The following IGLON5 variants were observed in gnomAD, a reference collection of about 807,000 sequenced individuals.
IGLON5 encodes the protein IgLON family member 5, also known as Ig-like domain-containing protein ENSP00000270642.
A neutral mutation model predicts 38.2 loss-of-function variants in IGLON5; 16 were observed. That is an observed-to-expected ratio of 0.42 (90% confidence interval 0.28 to 0.64). IGLON5 has a LOEUF of 0.64. Among genes scored for constraint, IGLON5 ranks in the 30% least tolerant of loss-of-function variants. IGLON5 has a pLI of 0.23. For missense variants in IGLON5, 366 were observed against 483.4 expected, an observed-to-expected ratio of 0.76 and a Z score of 2.28; for synonymous variants, 207 against 216.4, an observed-to-expected ratio of 0.96 and a Z score of 0.38.
chr19:51,327,910 C>A lies in IGLON5; in HGVS notation c.922+24C>A. On this transcript the variant is annotated intron_variant, in intron 7 of 7. Transcript: ENST00000270642. This position sits in a 1 kb window ranked among gnomAD's most constrained non-coding sequence, Gnocchi z 7.1. ...GCGTGCGTCTTCGGGCGGGGCGGGG[C>A]CGGGAAGGTGGGCGGGGCCGGGGGC... 1 of 1,462,020 alleles carries A rather than the reference C, an allele frequency of 6.8e-7. No homozygotes were observed. The highest frequency in any genetic ancestry group is 9.1e-7 in the Non-Finnish European group (1 of 1,103,000). 90.6% of individuals were successfully genotyped at this position (1,462,020 alleles called of 1,614,324 possible).
intron 1 of IGLON5, among the ~76,000 whole-genome samples, chr19:51,314,191 T>TTG (rs1984856060): frequency 2.6e-5 from 3 of 116,092 alleles, no homozygotes; most frequent in Admixed American, 9.3e-5. Flanking sequence ...TTCACTATTT[T>TTG]TTTTTTTTTT....
chr19:51,322,489 G>A (rs575383159), intron 2 of IGLON5, among the ~76,000 whole-genome samples: 5 of 150,800 alleles, frequency 3.3e-5, no homozygotes, highest in South Asian at 4.2e-4. Flanking sequence ...AGGGGACAGA[G>A]ATCCAGCAGA....
chr19:51,315,845 A>G (rs1407729991), intron 1 of IGLON5, among the ~76,000 whole-genome samples: 2 of 151,444 alleles, frequency 1.3e-5, no homozygotes, highest in Non-Finnish European at 2.9e-5. Flanking sequence ...ACAGGCGCCC[A>G]CCACCACGCC....
At position 51,327,605 on chromosome 19, in the gene IGLON5, C is replaced by A; in HGVS notation, c.768-127C>A. 2.9e-6 allele frequency: 4 copies of A among 1,368,466 alleles called. No individual in the cohort carries two copies. Among genetic ancestry groups the A allele is most frequent in the Non-Finnish European group, 3.9e-6 (4 of 1,020,154 alleles). The allele number at this position is 1,368,466 out of a possible 1,614,324, so 84.8% of individuals were successfully genotyped here. ...ACCCGAGGTACATGAGGTGCTAGAA[C>A]CCGAGGCGATGGGTCACTGGGGTAG... On this transcript the variant is annotated intron_variant, in intron 6 of 7. Coordinates refer to ENST00000270642, the MANE Select transcript of IGLON5 (RefSeq NM_001101372.3). This position sits in a 1 kb window ranked among gnomAD's most constrained non-coding sequence, Gnocchi z 7.1.
At chr19:51,318,023 G>C (rs1984964348) in intron 1 of IGLON5, among the ~76,000 whole-genome samples, 1 of 152,120 alleles carries the variant, frequency 6.6e-6, no homozygotes, top group Admixed American at 6.5e-5. Context: ...GCTCGACCCT[G>C]GGGGGACACA....
rs1221592548 is a variant in IGLON5 at position 51,327,291 on chromosome 19, G to T, written c.767+91G>T. On this transcript the variant is annotated intron_variant, in intron 6 of 7. Coordinates refer to ENST00000270642, the MANE Select transcript of IGLON5 (RefSeq NM_001101372.3). The surrounding 1 kb of genome is among the most constrained non-coding windows in gnomAD (Gnocchi z 7.1). ...GGCAGGGGGACGGAGCGGGGCGGGG[G>T]AAGGCAGCAGAGCTCTGGGTCCCGA... The T allele has an allele frequency of 7.3e-6, 11 of 1,509,150 alleles. No homozygotes were observed. The highest frequency in any genetic ancestry group is 4.6e-5 in the East Asian group (2 of 43,482). 93.5% of individuals were successfully genotyped at this position (1,509,150 alleles called of 1,614,324 possible).
chr19:51,328,133 T>C (rs1480556069), intron 7 of IGLON5, among the ~76,000 whole-genome samples: 2 of 152,182 alleles, frequency 1.3e-5, no homozygotes, highest in East Asian at 1.9e-4. Flanking sequence ...GCAGAGCTTA[T>C]AGTCTAGTAG....
At chr19:51,316,910 C>T (rs1027915609) in intron 1 of IGLON5, among the ~76,000 whole-genome samples, 1 of 152,048 alleles carries the variant, frequency 6.6e-6, no homozygotes, top group Non-Finnish European at 1.5e-5. Context: ...GCCGCACCCC[C>T]TCCTCCCTGC....
At position 51,322,065 on chromosome 19, in the gene IGLON5, G is replaced by A. The variant is rs781150934; in HGVS notation, c.81G>A (p.Gly27=). ...CTGAGCCACCCCCACCTTCCACAGGGCTGCTCTCCCAGAGCCTGGAGTTCA... is the reference window on the plus strand; with the variant it reads ...CTGAGCCACCCCCACCTTCCACAGGACTGCTCTCCCAGAGCCTGGAGTTCA... The part of the protein sequence containing the change: ...ALAGLAVISR[G]LLSQSLEFNS... The change falls in exon 2 of 8, where the codon GGG becomes GGA. Residue 27 remains glycine, a splice_region_variant and synonymous_variant. Coordinates refer to ENST00000270642, the MANE Select transcript of IGLON5 (RefSeq NM_001101372.3). The A allele has an allele frequency of 4.3e-6, 7 of 1,612,904 alleles. No homozygotes were observed. In the African/African-American group the frequency reaches 6.7e-5, roughly 15 times the overall value.
intron 1 of IGLON5, among the ~76,000 whole-genome samples, chr19:51,313,275 T>C (rs1984814607): frequency 6.6e-6 from 1 of 152,162 alleles, no homozygotes. Flanking sequence ...TCTGTCTCTG[T>C]CATGCATCTC....
rs1216671308 is a variant in IGLON5, at chr19:51,311,885, TCGC to T, written c.49_51del (p.Ala17del). 49 of 1,349,658 alleles carry T rather than the reference TCGC, an allele frequency of 3.6e-5. No homozygotes were observed. Among genetic ancestry groups the T allele is most frequent in the Middle Eastern group, 2.8e-4 (1 of 3,608 alleles). The allele number at this position is 1,349,658 out of a possible 1,614,324, so 83.6% of individuals were successfully genotyped here. On this transcript the variant is annotated inframe_deletion, in exon 1 of 8. Transcript: ENST00000270642. ...GCGCCCGGGGCCCGGCTCCGGCTTC[TCGC>T]CGCCGCCGCCCTGGCCGGCTTGGCC...
chr19:51,323,973 T>A, intron 3 of IGLON5, 79 bp downstream of exon 3: 2 of 981,502 alleles, frequency 2.0e-6, no homozygotes, highest in South Asian at 3.0e-5. Context: ...AGATACCACG[T>A]GTTCCCCAAC....
At position 51,311,659 on chromosome 19, in the gene IGLON5, C is replaced by G. The variant is rs1259223238; in HGVS notation, c.-189C>G. Among the ~76,000 whole-genome samples, 5 of 145,854 alleles carry G rather than the reference C, an allele frequency of 3.4e-5. No homozygotes were observed. The highest frequency in any genetic ancestry group is 7.7e-5 in the Non-Finnish European group (5 of 65,102). On this transcript the variant is annotated 5_prime_UTR_variant, in exon 1 of 8. Coordinates refer to ENST00000270642, the MANE Select transcript of IGLON5 (RefSeq NM_001101372.3). ...CTCCCTGCCCGTCAGCGCCGCCCCCCTCCCCGGGTCTGCAGCAGCTCCAGC... is the reference window on the plus strand; with the variant it reads ...CTCCCTGCCCGTCAGCGCCGCCCCCGTCCCCGGGTCTGCAGCAGCTCCAGC...
At chr19:51,322,572 G>A (rs891988933) in intron 2 of IGLON5, among the ~76,000 whole-genome samples, 26 of 134,284 alleles carry the variant, frequency 1.9e-4, no homozygotes, top group African/African-American at 7.1e-4. Context: ...CTCTCTCCAC[G>A]CCTCTCTCTC....
rs1247797774 is a variant in IGLON5, at chr19:51,323,978, C to T, written c.391+84C>T. On this transcript the variant is annotated intron_variant, in intron 3 of 7. Transcript: ENST00000270642. ...GCATGATGACAGATACCACGTGTTC[C>T]CCAACCCCAGGGATACATAGCGAGA... 3 of 937,142 alleles carry T rather than the reference C, an allele frequency of 3.2e-6. No individual in the cohort carries two copies. In the African/African-American group the frequency reaches 4.9e-5, roughly 15 times the overall value. The allele number at this position is 937,142 out of a possible 1,614,324, so 58.1% of individuals were successfully genotyped here. A position where few individuals can be genotyped will look rare whatever the true frequency, so the allele number is the denominator to read the frequency against.
At position 51,325,539 on chromosome 19, in the gene IGLON5, T is replaced by C; in HGVS notation, c.511+74T>C. 6.9e-7 allele frequency: 1 copy of C among 1,448,080 alleles called. No homozygotes were observed. The highest frequency in any genetic ancestry group is 9.2e-7 in the Non-Finnish European group (1 of 1,086,354). The allele number at this position is 1,448,080 out of a possible 1,614,324, so 89.7% of individuals were successfully genotyped here. On this transcript the variant is annotated intron_variant, in intron 4 of 7. Coordinates refer to ENST00000270642, the MANE Select transcript of IGLON5 (RefSeq NM_001101372.3). This position sits in a 1 kb window ranked among gnomAD's most constrained non-coding sequence, Gnocchi z 5.5. ...TGGGCCCCTCCATTCCCCATATCCC[T>C]AGCTAGTTTCCCCAGCCCCCTTCTC...
chr19:51,311,967 AGGGTCTTGGGT>A, intron 1 of IGLON5, 41 bp downstream of exon 1: 1 of 1,087,422 alleles, frequency 9.2e-7, no homozygotes, highest in Non-Finnish European at 1.2e-6. Context: ...CCGGGACGCC[AGGGTCTTGGGT>A]GGGTAATCGG....
Position 51,326,740 on chromosome 19 carries a change from CCCT to C in IGLON5, c.512-14_512-12del, listed in dbSNP as rs200683855. 1,501 of 1,530,612 alleles carry C rather than the reference CCCT, an allele frequency of 9.8e-4. 10 individuals carry two copies. In the East Asian group the frequency reaches 0.026, roughly 26 times the overall value. 94.8% of individuals were successfully genotyped at this position (1,530,612 alleles called of 1,614,324 possible). On this transcript the variant is annotated intron_variant, in intron 4 of 7. Coordinates refer to ENST00000270642, the MANE Select transcript of IGLON5 (RefSeq NM_001101372.3). ...TTAAGTGTTTGTGTCCGGCCCCGCC[CCCT>C]CCTCCTCCTTCCCCCCACAGACGGC...
intron 1 of IGLON5, among the ~76,000 whole-genome samples, chr19:51,315,688 C>CTTTTTTTTTTTTTTTTTTTTTTTTTTTT (rs756194855): frequency 2.4e-5 from 2 of 82,582 alleles, no homozygotes; most frequent in African/African-American, 9.0e-5. Flanking sequence ...GGAAGTCAAC[C>CTTTTTTTTTTTTTTTTTTTTTTTTTTTT]TTTTTTTTTT....
Sources: allele counts gnomAD v4.1 joint callset (sites outside exome capture counted in the v4.1 genomes callset), GRCh38; gene constraint gnomAD v4.1.1; non-coding constraint Gnocchi (gnomAD v3.1); transcripts MANE v1.5; gene names NCBI Gene and HGNC (gene_info 2026-07-23, HGNC 2026-07-21).